ECPAS: variants seen among roughly 807,000 people sequenced by gnomAD.
ECPAS encodes the protein Ecm29 proteasome adaptor and scaffold, also known as proteasome adapter and scaffold protein ECM29.
ECPAS carries 70 observed loss-of-function variants against 255.1 expected under a neutral mutation model. The observed-to-expected ratio is 0.27, with a 90% CI of 0.23 to 0.33. The LOEUF is 0.33. Ranked by LOEUF, ECPAS falls within the 10% of genes least tolerant of loss-of-function variation. The pLI, the probability that ECPAS is intolerant of heterozygous loss-of-function variation, is 1.00. For synonymous variants in ECPAS, 784 were observed against 775.0 expected (o/e 1.01, Z -0.19); for missense variants, 1,817 against 2,206.4 (o/e 0.82, Z 3.54).
At position 111,371,826 on chromosome 9, in the gene ECPAS, G is replaced by C; in HGVS notation, c.4532C>G (p.Ser1511Cys). Residue 1511 changes from serine (S) to cysteine (C), a missense_variant, in exon 43 of 50, where the codon TCC becomes TGC. This residue lies in a region of ECPAS where 960 missense variants were observed against 1,179.0 expected (regional missense o/e 0.81). Coordinates refer to ENST00000684092, the MANE Select transcript of ECPAS (RefSeq NM_001364929.1). ...TEVWQENVPG[S>C]FGGIRLYLQE... Reference sequence around the variant, plus strand: ...CAGGTATAATCGAATGCCACCAAAGGATCCTAGGAAAGCAAAATTAAAACA... The same window carrying C: ...CAGGTATAATCGAATGCCACCAAAGCATCCTAGGAAAGCAAAATTAAAACA... 6.2e-7 allele frequency: 1 copy of C among 1,604,278 alleles called. No homozygotes were observed. Among genetic ancestry groups the C allele is most frequent in the Admixed American group, 1.7e-5 (1 of 58,712 alleles).
rs779869160 is a variant in ECPAS at position 111,425,462 on chromosome 9, T to C, written c.1171A>G (p.Met391Val). 4.4e-6 allele frequency: 7 copies of C among 1,601,958 alleles called. No homozygotes were observed. The highest frequency in any genetic ancestry group is 1.7e-5 in the Admixed American group (1 of 58,094). The change falls in exon 12 of 50, where the codon ATG becomes GTG. Residue 391 changes from methionine (M) to valine (V), a missense_variant. Met to Val is a conservative substitution (Grantham distance 21). Transcript: ENST00000684092. ...AGCTTGGTGAGGCCATTCAAAAGCA[T>C]TGGACCTAATGGCTTAATCTTGATT... ...PEIKIKPLGP[M>V]LLNGLTKLIN...
rs1461887135 is a variant in ECPAS, at chr9:111,378,720, G to C, written c.3814C>G (p.Leu1272Val). The C allele has an allele frequency of 1.6e-5, 25 of 1,611,708 alleles. No homozygotes were observed. Among genetic ancestry groups the C allele is most frequent in the Non-Finnish European group, 2.1e-5 (25 of 1,178,426 alleles). The part of the protein sequence containing the change: ...TEVRALSINT[L>V]VKISKSAGAM... ...CCTGCACTTTTGCTGATCTTCACAA[G>C]GGTGTTAATGCTACAAACATATGGA... Residue 1272 changes from leucine (L) to valine (V), a missense_variant, in exon 36 of 50, where the codon CTT (leucine) becomes GTT (valine). Leu to Val is a conservative substitution (Grantham distance 32). Coordinates refer to ENST00000684092, the MANE Select transcript of ECPAS (RefSeq NM_001364929.1).
At chr9:111,439,577 T>C (rs2098242979) in intron 6 of ECPAS, among the ~76,000 whole-genome samples, 1 of 152,202 alleles carries the variant, frequency 6.6e-6, no homozygotes, top group African/African-American at 2.4e-5. Flanking sequence ...GCCAGGATGC[T>C]GTTTTTCAAA....
intron 2 of ECPAS, among the ~76,000 whole-genome samples, chr9:111,469,501 G>C (rs2098283874): frequency 6.6e-6 from 1 of 150,410 alleles, no homozygotes; most frequent in African/African-American, 2.5e-5. Context: ...CTGTACTCTA[G>C]CCCAGGCGAC....
At chr9:111,388,862 T>G (rs888914661) in intron 31 of ECPAS, among the ~76,000 whole-genome samples, 1 of 151,526 alleles carries the variant, frequency 6.6e-6, no homozygotes, top group African/African-American at 2.4e-5. Context: ...ACAGTGAGAG[T>G]AGAGGGGGAA....
At chr9:111,470,435 C>T (rs563627349) in intron 2 of ECPAS, among the ~76,000 whole-genome samples, 3 of 152,184 alleles carry the variant, frequency 2.0e-5, no homozygotes, top group South Asian at 2.1e-4. Flanking sequence ...CTCAGCCTCC[C>T]GAGTAGCGGG....
chr9:111,405,895 G>C (rs1476786932), intron 24 of ECPAS, among the ~76,000 whole-genome samples: 1 of 149,562 alleles, frequency 6.7e-6, no homozygotes, highest in Admixed American at 6.6e-5. Flanking sequence ...AACAACAGCT[G>C]ATAGTCAGAA....
chr9:111,372,114 C>T (rs765975710), intron 42 of ECPAS, among the ~76,000 whole-genome samples: 1 of 152,176 alleles, frequency 6.6e-6, no homozygotes, highest in Non-Finnish European at 1.5e-5. Context: ...CTCTAAAATA[C>T]TCTAAGGCCA....
At chr9:111,453,902 G>T (rs2098263592) in intron 2 of ECPAS, among the ~76,000 whole-genome samples, 1 of 151,782 alleles carries the variant, frequency 6.6e-6, no homozygotes, top group African/African-American at 2.4e-5. Flanking sequence ...CAACTAAATG[G>T]TCCCTTGCAC....
In ECPAS at chr9:111,451,425, C is replaced by A; in HGVS notation, c.153G>T (p.Lys51Asn). The A allele has an allele frequency of 6.4e-7, 1 of 1,569,178 alleles. No homozygotes were observed. Among genetic ancestry groups the A allele is most frequent in the East Asian group, 2.3e-5 (1 of 43,000 alleles). The change falls in exon 3 of 50, where the codon AAG (lysine) becomes AAT (asparagine). Residue 51 changes from lysine to asparagine, a missense_variant and splice_region_variant. Around this residue, in one of 4 missense-constraint regions of ECPAS, gnomAD observed 90 missense variants for 158.5 expected, o/e 0.57. Transcript: ENST00000684092. ...CCCCCAGCTGTCCCAACATGCTTAC[C>A]TTTTTACGTACTCCTTCTTGGGTGC... ...LSSTQEGVRK[K>N]VMELLVHLNK... is the part of the protein sequence containing the mutation.
chr9:111,441,160 A>C (rs1300670544), intron 5 of ECPAS, among the ~76,000 whole-genome samples: 1 of 151,486 alleles, frequency 6.6e-6, no homozygotes, highest in African/African-American at 2.4e-5. Context: ...TCAAAAAACA[A>C]AAATAAAAAT....
intron 3 of ECPAS, among the ~76,000 whole-genome samples, chr9:111,450,383 T>C (rs2098258812): frequency 6.6e-6 from 1 of 152,124 alleles, no homozygotes; most frequent in South Asian, 2.1e-4. Context: ...GAATGCCCAT[T>C]CCCTCCTGTA....
chr9:111,480,818 A>G (rs2098303668), intron 1 of ECPAS, among the ~76,000 whole-genome samples: 1 of 152,240 alleles, frequency 6.6e-6, no homozygotes, highest in Admixed American at 6.5e-5. Flanking sequence ...CAAAACAAGA[A>G]GAAGGCAAGG....
At chr9:111,456,999 G>A (rs980661029) in intron 2 of ECPAS, among the ~76,000 whole-genome samples, 2 of 152,140 alleles carry the variant, frequency 1.3e-5, no homozygotes, top group Non-Finnish European at 2.9e-5. Flanking sequence ...GTAGGCAACA[G>A]ACAAAAATAA....
chr9:111,381,840 C>T (rs1216219220), intron 35 of ECPAS, among the ~76,000 whole-genome samples: 1 of 151,486 alleles, frequency 6.6e-6, no homozygotes, highest in African/African-American at 2.5e-5. Context: ...CAAGCTCACT[C>T]ACACATTGCA....
rs560688797 is a variant in ECPAS, at chr9:111,372,481, G to A, written c.4476C>T (p.Ser1492=). 41 of 1,613,524 alleles carry A rather than the reference G, an allele frequency of 2.5e-5. No individual in the cohort carries two copies. The highest frequency in any genetic ancestry group is 1.2e-4 in the Admixed American group (7 of 59,970). The stretch of plus-strand genomic sequence containing the variant: ...TCCATAAATTACATTCTTCTTTTTC[G>A]GATTTCTCCTCATCAGCAATTTCAT... ...GMHEIADEEK[S]EKEECNLWTE... is the part of the protein sequence containing the mutation. Residue 1492 remains serine, a synonymous_variant, in exon 42 of 50, where the codon TCC becomes TCT. Transcript: ENST00000684092.
At chr9:111,392,332 TA>T (rs1403451239) in intron 28 of ECPAS, among the ~76,000 whole-genome samples, 1 of 152,232 alleles carries the variant, frequency 6.6e-6, no homozygotes, top group Admixed American at 6.5e-5. Context: ...ACATTTCACA[TA>T]ATTTCCACTG....
intron 49 of ECPAS, among the ~76,000 whole-genome samples, 194 bp downstream of exon 49, chr9:111,363,393 TA>T (rs1403840325): frequency 1.3e-5 from 2 of 152,160 alleles, no homozygotes; most frequent in Non-Finnish European, 2.9e-5. Context: ...TAAAAATATA[TA>T]AAAGTGTATC....
chr9:111,376,797 G>A (rs1411699567), intron 36 of ECPAS, among the ~76,000 whole-genome samples: 2 of 152,136 alleles, frequency 1.3e-5, no homozygotes, highest in Non-Finnish European at 2.9e-5. Flanking sequence ...ATGGCTCTGG[G>A]CAAGTCATCC....
Sources: gnomAD v4.1 joint callset for allele counts (sites outside exome capture counted in the v4.1 genomes callset) on GRCh38, gnomAD v4.1.1 for gene constraint, gnomAD v4.1.1 regional missense constraint, MANE v1.5 for transcripts, NCBI Gene and HGNC (gene_info 2026-07-23, HGNC 2026-07-21) for gene names.